ERCC6: variants seen among roughly 807,000 people sequenced by gnomAD.
The protein encoded by ERCC6 is DNA excision repair protein ERCC-6.
ERCC6 carries 116 observed loss-of-function variants against 158.7 expected under a neutral mutation model. That is an observed-to-expected ratio of 0.73 (90% CI 0.63 to 0.85). The LOEUF (loss-of-function observed/expected upper bound fraction) is 0.85. ERCC6 is among the 40% of genes least tolerant of loss of function. The pLI is 0.00. For missense variants in ERCC6, 1,698 were observed against 1,799.4 expected (o/e 0.94, Z 1.02); for synonymous variants, 678 against 659.3 (o/e 1.03, Z -0.43).
chr10:49,497,765 C>T (rs914717160), intron 7 of ERCC6, among the ~76,000 whole-genome samples: 4 of 152,174 alleles, frequency 2.6e-5, no homozygotes, highest in Non-Finnish European at 5.9e-5. Flanking sequence ...AAACAGACTA[C>T]AATTCCTTTA....
the ERCC6 span, among the ~76,000 whole-genome samples, chr10:49,444,996 G>C: frequency 6.6e-6 from 1 of 151,888 alleles, no homozygotes; most frequent in Non-Finnish European, 1.5e-5. Flanking sequence ...CCAGGATTAG[G>C]AATATTCTAG....
Position 49,518,562 on chromosome 10 carries a change from C to T in ERCC6, c.1397+5471G>A, listed in dbSNP as rs114385558. On this transcript the variant is annotated intron_variant, in intron 5 of 20. Coordinates refer to ENST00000355832, the MANE Select transcript of ERCC6 (RefSeq NM_000124.4). ...TCATTGTTCTTGTGCACCACTCCCG[C>T]CCCTGCCCCCACCTCCACTTGATGC... Among the ~76,000 whole-genome samples, 1,262 of 152,288 alleles carry T rather than the reference C, an allele frequency of 8.3e-3. 21 individuals are homozygous for T. The highest frequency in any genetic ancestry group is 0.029 in the African/African-American group (1,186 of 41,544).
Position 49,493,212 on chromosome 10 carries a change from T to C in ERCC6, c.1726A>G (p.Thr576Ala). Reference sequence around the variant, plus strand: ...TCCTTCACCCACTGATGCATCACTGTTGTTGGACAGACAATTACAGTTGGA... The same window carrying C: ...TCCTTCACCCACTGATGCATCACTGCTGTTGGACAGACAATTACAGTTGGA... ...LGPTVIVCPTTVMHQWVKEFH... is the reference protein window; with the variant it reads ...LGPTVIVCPTAVMHQWVKEFH... The change falls in exon 8 of 21, where the codon ACA (threonine) becomes GCA (alanine). Residue 576 changes from threonine (T) to alanine (A), a missense_variant. Thr to Ala is a moderately conservative substitution (Grantham distance 58, BLOSUM62 0). Coordinates refer to ENST00000355832, the MANE Select transcript of ERCC6 (RefSeq NM_000124.4). 1.9e-6 allele frequency: 3 copies of C among 1,614,186 alleles called. No homozygotes were observed. The highest frequency in any genetic ancestry group is 2.5e-6 in the Non-Finnish European group (3 of 1,180,020).
Position 49,457,071 on chromosome 10 carries a change from G to A in ERCC6, c.*1744C>T, listed in dbSNP as rs1346622286. ...ACCCAAATGCTTCATGAGTGAACAA[G>A]GTCAGCAGATCACCCTGAGAACAAG... On this transcript the variant is annotated 3_prime_UTR_variant, in exon 21 of 21. Transcript: ENST00000355832. The A allele has an allele frequency of 6.6e-6, 1 of 152,152 alleles. No homozygotes were observed. The highest frequency in any genetic ancestry group is 1.5e-5 in the Non-Finnish European group (1 of 68,040). 9.4% of individuals were successfully genotyped at this position (152,152 alleles called of 1,614,324 possible). A position where few individuals can be genotyped will look rare whatever the true frequency, so the allele number is the denominator to read the frequency against.
chr10:49,475,493 C>T, intron 12 of ERCC6: 1 of 408,948 alleles, frequency 2.4e-6, no homozygotes. Context: ...GACTGAAGAA[C>T]CTCCTGTAGC....
chr10:49,523,333 C>A (rs1328975571), intron 5 of ERCC6, among the ~76,000 whole-genome samples: 3 of 152,186 alleles, frequency 2.0e-5, no homozygotes, highest in African/African-American at 2.4e-5. Flanking sequence ...AAACGTGTGG[C>A]AATATGCAAT....
At chr10:49,450,185 TGTAAG>T (rs1375542925), downstream of ERCC6, among the ~76,000 whole-genome samples, 2 of 152,324 alleles carry the variant, frequency 1.3e-5, no homozygotes, top group Middle Eastern at 3.4e-3. Flanking sequence ...TTAAATATAA[TGTAAG>T]GTAAGTGTCC....
At chr10:49,518,342 T>C (rs1430455686) in intron 5 of ERCC6, among the ~76,000 whole-genome samples, 1 of 152,236 alleles carries the variant, frequency 6.6e-6, no homozygotes, top group African/African-American at 2.4e-5. Context: ...ATCACTCTCA[T>C]GTGTCCCACA....
Position 49,513,335 on chromosome 10 carries a change from A to C in ERCC6, c.1398-7323T>G, listed in dbSNP as rs573031406. Among the ~76,000 whole-genome samples the C allele has an allele frequency of 2.0e-5, 3 of 152,318 alleles. No individual in the cohort carries two copies. In the South Asian group the frequency reaches 6.2e-4, roughly 32 times the overall value. On this transcript the variant is annotated intron_variant, in intron 5 of 20. Transcript: ENST00000355832. ...TTGTTTTGAGATTACATATACACAC[A>C]TACATACATATTTCTTAATTGGGTC...
At chr10:49,500,951 G>C (rs1243330932) in intron 6 of ERCC6, 1 of 465,494 alleles carries the variant, frequency 2.1e-6, no homozygotes, top group Non-Finnish European at 3.9e-6. Flanking sequence ...GGGGTAATTA[G>C]AGACTATTTC....
the ERCC6 span, among the ~76,000 whole-genome samples, chr10:49,435,931 G>A: frequency 0.036 from 5,525 of 151,752 alleles, 350 homozygotes; most frequent in African/African-American, 0.12. Context: ...CCTGGGAGCC[G>A]GAGGAGGTTG....
intron 1 of ERCC6, among the ~76,000 whole-genome samples, chr10:49,534,133 C>CAGAAAATAAAA: frequency 1.7e-5 from 1 of 60,320 alleles, no homozygotes; most frequent in Non-Finnish European, 3.0e-5. Flanking sequence ...GACTCAATCT[C>CAGAAAATAAAA]AAAAAAAAAA....
At position 49,470,367 on chromosome 10, in the gene ERCC6, T is replaced by TTC. The variant is rs1287286877; in HGVS notation, c.3591_3592dup (p.Lys1198ArgfsTer4). The TTC allele has an allele frequency of 1.2e-6, 2 of 1,614,218 alleles. No individual in the cohort carries two copies. The highest frequency in any genetic ancestry group is 1.7e-6 in the Non-Finnish European group (2 of 1,180,016). On this transcript the variant is annotated frameshift_variant, in exon 18 of 21. Transcript: ENST00000355832. LOFTEE classifies it high-confidence loss of function. ...AGGCTTTTGCTTTGGTCTCAGATGT[T>TTC]TCTCCAGGGTCTCTTCTTCTGCCAC...
rs960544357 is a variant in ERCC6, at chr10:49,512,120, T to C, written c.1398-6108A>G. ...AAAATAACAAATGTCAAAACACCTATTGCAGTCTTGAGCCAGCAGGAGCTC... is the reference window on the plus strand; with the variant it reads ...AAAATAACAAATGTCAAAACACCTACTGCAGTCTTGAGCCAGCAGGAGCTC... On this transcript the variant is annotated intron_variant, in intron 5 of 20. Coordinates refer to ENST00000355832, the MANE Select transcript of ERCC6 (RefSeq NM_000124.4). Among the ~76,000 whole-genome samples the C allele has an allele frequency of 3.3e-5, 5 of 152,196 alleles. No individual in the cohort carries two copies. In the South Asian group the frequency reaches 1.0e-3, roughly 32 times the overall value.
intron 1 of ERCC6, among the ~76,000 whole-genome samples, chr10:49,538,513 TG>T (rs1837656651): frequency 6.6e-6 from 1 of 152,156 alleles, no homozygotes. Flanking sequence ...AGACGCTGCG[TG>T]GAAGTCACGT....
chr10:49,482,904 T>C, intron 9 of ERCC6, 41 bp from the exon 10 acceptor site: 2 of 1,608,808 alleles, frequency 1.2e-6, no homozygotes, highest in East Asian at 4.5e-5. Context: ...AAATTTACCT[T>C]TTAGCAATCG....
chr10:49,522,014 T>A (rs1467313364), intron 5 of ERCC6, among the ~76,000 whole-genome samples: 1 of 152,152 alleles, frequency 6.6e-6, no homozygotes, highest in Non-Finnish European at 1.5e-5. Flanking sequence ...AAGAGCATTA[T>A]AATTAACAGG....
At chr10:49,492,637 A>G (rs902333014) in intron 8 of ERCC6, among the ~76,000 whole-genome samples, 1 of 152,258 alleles carries the variant, frequency 6.6e-6, no homozygotes, top group Non-Finnish European at 1.5e-5. Context: ...TCAAGGATTC[A>G]AGGAACAAAA....
intron 10 of ERCC6, among the ~76,000 whole-genome samples, chr10:49,481,149 T>A (rs1850971641): frequency 6.6e-6 from 1 of 152,162 alleles, no homozygotes. Flanking sequence ...TAACCTCAGC[T>A]GTGAATCTAC....
Sources: gnomAD v4.1 joint callset for allele counts (sites outside exome capture counted in the v4.1 genomes callset) on GRCh38, gnomAD v4.1.1 for gene constraint, MANE v1.5 for transcripts, NCBI Gene and HGNC (gene_info 2026-07-23, HGNC 2026-07-21) for gene names.